CRISP3: variants seen among roughly 807,000 people sequenced by gnomAD.
The protein encoded by CRISP3 is cysteine-rich secretory protein 3.
A neutral mutation model predicts 36.1 loss-of-function variants in CRISP3; 33 were observed. The observed-to-expected ratio is 0.91, with a 90% CI of 0.69 to 1.22. CRISP3 has a LOEUF of 1.22. CRISP3 is among the 50% of genes most tolerant of loss of function. CRISP3 has a pLI of 0.00. For missense variants in CRISP3, 330 were observed against 301.2 expected (o/e 1.10, Z -0.71); for synonymous variants, 117 against 104.6 (o/e 1.12, Z -0.72).
chr6:49,733,923 C>CACACACACA, intron 4 of CRISP3, 75 bp from the exon 5 acceptor site: 1 of 1,270,472 alleles, frequency 7.9e-7, no homozygotes, highest in Middle Eastern at 1.9e-4. Flanking sequence ...CACACACACA[C>CACACACACA]TACACACAGC....
chr6:49,728,922 A>C (rs1768845622), intron 7 of CRISP3, 65 bp from the exon 8 acceptor site: 8 of 1,482,182 alleles, frequency 5.4e-6, no homozygotes, highest in Non-Finnish European at 6.4e-6. Context: ...CAACACAAAC[A>C]AAACATTCTA....
Position 49,728,374 on chromosome 6 carries a change from AT to A in CRISP3, c.*355del, listed in dbSNP as rs1263690371. On this transcript the variant is annotated 3_prime_UTR_variant, in exon 8 of 8. Transcript: ENST00000263045. ...GAAAATTATATTGTTCTTTTTGTAC[AT>A]TTTGTTCTAGGAACATAATTTTCAC... 6.2e-5 allele frequency: 10 copies of A among 160,112 alleles called. No homozygotes were observed. Among genetic ancestry groups the A allele is most frequent in the Middle Eastern group, 3.1e-3 (1 of 322 alleles). The allele number at this position is 160,112 out of a possible 1,614,324, so 9.9% of individuals were successfully genotyped here. A position where few individuals can be genotyped will look rare whatever the true frequency, so the allele number is the denominator to read the frequency against.
In CRISP3 at chr6:49,736,146, T is replaced by C. The variant is rs75587984; in HGVS notation, c.228+245A>G. ...AGAAAAACATAATGGCTTTTCACCG[T>C]ATGTCCAAAGATTAGGTTTTAATTC... is the stretch of plus-strand genomic sequence containing the variant. On this transcript the variant is annotated intron_variant, in intron 3 of 7. Transcript: ENST00000263045. 7.7e-3 allele frequency among the ~76,000 whole-genome samples: 1,172 copies of C among 152,252 alleles called. 9 individuals carry two copies. The highest frequency in any genetic ancestry group is 0.013 in the Non-Finnish European group (862 of 68,016).
intron 2 of CRISP3, 66 bp downstream of exon 2, chr6:49,737,259 A>C: frequency 2.4e-6 from 3 of 1,240,144 alleles, no homozygotes; most frequent in South Asian, 2.4e-5. Flanking sequence ...TTGAAGATTG[A>C]TCTAGTAGCT....
chr6:49,735,540 T>G lies in CRISP3; in HGVS notation c.280A>C (p.Asn94His). 6.2e-7 allele frequency: 1 copy of G among 1,612,792 alleles called. No individual in the cohort carries two copies. ...TCCTTTGGGTTACTGTGTCTGTAAT[T>G]GCACTGGTTTGCCCACTTTTGGGCA... ...ANAQKWANQC[N>H]YRHSNPKDRM... Residue 94 changes from asparagine (N) to histidine (H), a missense_variant, in exon 4 of 8, where the codon AAT becomes CAT. Physicochemically the swap from Asn to His is moderately conservative, Grantham distance 68. Transcript: ENST00000263045.
intron 7 of CRISP3, 138 bp downstream of exon 7, chr6:49,731,025 G>C (rs577166761): frequency 1.7e-4 from 101 of 578,408 alleles, no homozygotes; most frequent in African/African-American, 1.5e-3. Flanking sequence ...CTGGGCGACA[G>C]AGCCAGACAG....
rs1769054080 is a variant in CRISP3 at position 49,736,435 on chromosome 6, G to A, written c.184C>T (p.Leu62=). The change falls in exon 3 of 8, where the codon CTG becomes TTG. Residue 62 remains leucine, a synonymous_variant. Transcript: ENST00000263045. ...GCAGGGGGAGATACTGCTCTCCTCA[G>A]TTCATTGTGCTTATTCACAATCTCC... ...QREIVNKHNE[L]RRAVSPPARN... The A allele has an allele frequency of 1.9e-6, 3 of 1,613,562 alleles. No individual in the cohort carries two copies. The South Asian group carries it at 3.3e-5, about 18-fold the overall frequency.
rs1387666188 is a variant in CRISP3, at chr6:49,728,132, A to G, written c.*598T>C. ...ATATTCTACTGTAAAATTTATGCAG[A>G]TAAAAAATTCAAAGGATTGTATTGA... On this transcript the variant is annotated 3_prime_UTR_variant, in exon 8 of 8. Transcript: ENST00000263045. 1 of 152,304 alleles carries G rather than the reference A, an allele frequency of 6.6e-6. No homozygotes were observed. Among genetic ancestry groups the G allele is most frequent in the East Asian group, 1.9e-4 (1 of 5,192 alleles). 9.4% of individuals were successfully genotyped at this position (152,304 alleles called of 1,614,324 possible). A position where few individuals can be genotyped will look rare whatever the true frequency, so the allele number is the denominator to read the frequency against.
At chr6:49,731,457 T>C (rs1232010464) in intron 6 of CRISP3, among the ~76,000 whole-genome samples, 1 of 152,200 alleles carries the variant, frequency 6.6e-6, no homozygotes, top group Non-Finnish European at 1.5e-5. Flanking sequence ...TTCCTGACCA[T>C]AATCTTGCAA....
chr6:49,732,166 T>C (rs547972), intron 6 of CRISP3, among the ~76,000 whole-genome samples: 113,964 of 152,086 alleles, frequency 0.75, 42,948 homozygotes, highest in Middle Eastern at 0.83. Context: ...CTTTTCCCTG[T>C]TTTCTCTCAT....
intron 6 of CRISP3, 125 bp from the exon 7 acceptor site, chr6:49,731,376 T>C (rs1407954001): frequency 1.2e-5 from 6 of 481,844 alleles, no homozygotes; most frequent in Non-Finnish European, 1.8e-5. Flanking sequence ...GTCAAATAAT[T>C]AAAAATATAA....
Position 49,743,835 on chromosome 6 carries a change from G to A in CRISP3, c.37+496C>T, listed in dbSNP as rs370008799. 1.3e-3 allele frequency among the ~76,000 whole-genome samples: 199 copies of A among 151,652 alleles called. 1 individual carries two copies. The highest frequency in any genetic ancestry group is 4.4e-3 in the African/African-American group (184 of 41,364). ...TTTCATGAGGTAAATTGCATTTTAT[G>A]TTGATGGTCTTTAATAAAATACTTT... On this transcript the variant is annotated intron_variant, in intron 1 of 7. Transcript: ENST00000263045.
intron 6 of CRISP3, among the ~76,000 whole-genome samples, chr6:49,732,846 G>T (rs1010660737): frequency 6.6e-6 from 1 of 152,106 alleles, no homozygotes; most frequent in Non-Finnish European, 1.5e-5. Context: ...TAATTATCAA[G>T]CTTCCAGTTT....
chr6:49,741,239 C>T (rs1162707106), intron 1 of CRISP3, among the ~76,000 whole-genome samples: 1 of 151,166 alleles, frequency 6.6e-6, no homozygotes, highest in Non-Finnish European at 1.5e-5. Flanking sequence ...CTCCAGTGCT[C>T]TTATACTCAC....
intron 4 of CRISP3, 59 bp downstream of exon 4, chr6:49,735,445 A>C: frequency 3.0e-6 from 4 of 1,340,952 alleles, no homozygotes; most frequent in Non-Finnish European, 4.2e-6. Context: ...GCAACATCAT[A>C]ACATGGTTTA....
chr6:49,733,037 T>C (rs982599405), intron 6 of CRISP3, among the ~76,000 whole-genome samples, 158 bp downstream of exon 6: 3 of 152,210 alleles, frequency 2.0e-5, no homozygotes, highest in South Asian at 4.1e-4. Flanking sequence ...GAAAACTTTA[T>C]CTTTCTGAGA....
At chr6:49,729,168 A>G (rs1295352421) in intron 7 of CRISP3, among the ~76,000 whole-genome samples, 4 of 152,158 alleles carry the variant, frequency 2.6e-5, no homozygotes, top group African/African-American at 7.2e-5. Context: ...AAAATGGTAG[A>G]TATTTGTCAT....
chr6:49,738,825 C>T (rs777282057), intron 1 of CRISP3, among the ~76,000 whole-genome samples: 57 of 152,064 alleles, frequency 3.7e-4, no homozygotes, highest in Non-Finnish European at 6.5e-4. Flanking sequence ...CCATCTCGTC[C>T]CAGCATCGCC....
rs1044212217 is a variant in CRISP3, at chr6:49,736,320, T to C, written c.228+71A>G. On this transcript the variant is annotated intron_variant, in intron 3 of 7. Transcript: ENST00000263045. ...TGTAAACTTCAAAGTTATTAAGAGA[T>C]ATTAGTTGCCAGCCGCCTACTCCTT... The C allele has an allele frequency of 6.4e-6, 6 of 935,662 alleles. No homozygotes were observed. In the Admixed American group the frequency reaches 8.8e-5, roughly 14 times the overall value. The allele number at this position is 935,662 out of a possible 1,614,324, so 58.0% of individuals were successfully genotyped here.
Sources: gnomAD v4.1 joint callset for allele counts (sites outside exome capture counted in the v4.1 genomes callset) on GRCh38, gnomAD v4.1.1 for gene constraint, MANE v1.5 for transcripts, NCBI Gene and HGNC (gene_info 2026-07-23, HGNC 2026-07-21) for gene names.